Variants in HEMK2 observed in about 807,000 individuals in gnomAD.
The protein encoded by HEMK2 is methyltransferase HEMK2.
At chr21:28,726,136 TTAAC>T in the HEMK2 span, among the ~76,000 whole-genome samples, 2 of 152,138 alleles carry the variant, frequency 1.3e-5, no homozygotes, top group East Asian at 1.9e-4. Context: ...AAATAAGAAT[TTAAC>T]TAATTATTAA....
At chr21:28,742,177 G>A in the HEMK2 span, among the ~76,000 whole-genome samples, 2 of 152,194 alleles carry the variant, frequency 1.3e-5, no homozygotes, top group Admixed American at 6.5e-5. Flanking sequence ...GACAGAGACC[G>A]TGTAGCCCAT....
chr21:28,678,452 C>A, the HEMK2 span, among the ~76,000 whole-genome samples: 2 of 152,240 alleles, frequency 1.3e-5, no homozygotes, highest in African/African-American at 4.8e-5. Context: ...AGAATGGAAC[C>A]AAGCTGGAAA....
At chr21:28,618,427 T>C in the HEMK2 span, among the ~76,000 whole-genome samples, 1 of 152,240 alleles carries the variant, frequency 6.6e-6, no homozygotes, top group South Asian at 2.1e-4. Context: ...TGACACATAG[T>C]TCATAGTTTA....
At chr21:28,673,346 TAAAGA>T in the HEMK2 span, among the ~76,000 whole-genome samples, 3 of 152,180 alleles carry the variant, frequency 2.0e-5, no homozygotes, top group Non-Finnish European at 4.4e-5. Context: ...TAGAAGTATT[TAAAGA>T]AAAGAAATTT....
chr21:28,699,376 T>C, the HEMK2 span, among the ~76,000 whole-genome samples: 1 of 152,228 alleles, frequency 6.6e-6, no homozygotes, highest in African/African-American at 2.4e-5. Context: ...CTTGTAGCTA[T>C]GTCCACATTT....
the HEMK2 span, among the ~76,000 whole-genome samples, chr21:28,780,590 C>A: frequency 6.6e-6 from 1 of 152,204 alleles, no homozygotes; most frequent in Non-Finnish European, 1.5e-5. Context: ...GGATTACAGG[C>A]GTGAGCCACC....
At chr21:28,719,030 G>A in the HEMK2 span, among the ~76,000 whole-genome samples, 2 of 152,194 alleles carry the variant, frequency 1.3e-5, no homozygotes, top group African/African-American at 4.8e-5. Context: ...GGCAACAATG[G>A]GCGCCACAGT....
the HEMK2 span, among the ~76,000 whole-genome samples, chr21:28,856,639 CAA>C: frequency 1.3e-5 from 2 of 152,110 alleles, no homozygotes; most frequent in Admixed American, 6.6e-5. Context: ...GTGCAACCCA[CAA>C]AGAGTGAGGA....
the HEMK2 span, among the ~76,000 whole-genome samples, chr21:28,787,342 TAAAAACA>T: frequency 6.6e-6 from 1 of 151,906 alleles, no homozygotes; most frequent in Admixed American, 6.6e-5. Flanking sequence ...GCAAATGCAA[TAAAAACA>T]AAAAGAAATA....
chr21:28,713,651 C>G, the HEMK2 span, among the ~76,000 whole-genome samples: 91 of 152,254 alleles, frequency 6.0e-4, no homozygotes, highest in Non-Finnish European at 1.1e-3. Flanking sequence ...CTTCCCTGTC[C>G]CTGGGAACCA....
chr21:28,753,070 A>G, the HEMK2 span, among the ~76,000 whole-genome samples: 1 of 152,170 alleles, frequency 6.6e-6, no homozygotes, highest in South Asian at 2.1e-4. Context: ...GATGGCTCTT[A>G]AGCAAGAATG....
At chr21:28,687,473 T>A in the HEMK2 span, among the ~76,000 whole-genome samples, 40 of 152,340 alleles carry the variant, frequency 2.6e-4, no homozygotes, top group East Asian at 3.7e-3. Flanking sequence ...TTTTATATCA[T>A]TTATTTGCAG....
the HEMK2 span, among the ~76,000 whole-genome samples, chr21:28,838,616 A>T: frequency 4.6e-5 from 7 of 151,064 alleles, no homozygotes; most frequent in African/African-American, 1.7e-4. Flanking sequence ...CCTTAACAAA[A>T]TACGAACTAA....
chr21:28,817,190 A>G, the HEMK2 span, among the ~76,000 whole-genome samples: 1 of 152,228 alleles, frequency 6.6e-6, no homozygotes, highest in Admixed American at 6.5e-5. Context: ...AATTCTCAAG[A>G]AAAATTCACA....
the HEMK2 span, among the ~76,000 whole-genome samples, chr21:28,667,947 T>C: frequency 6.6e-6 from 1 of 152,228 alleles, no homozygotes; most frequent in East Asian, 1.9e-4. Context: ...GTATTCATTG[T>C]TATTACTGCT....
chr21:28,740,346 G>T, the HEMK2 span, among the ~76,000 whole-genome samples: 1 of 152,144 alleles, frequency 6.6e-6, no homozygotes, highest in Non-Finnish European at 1.5e-5. Context: ...TTTATTGTGT[G>T]GGTAACCCTT....
At chr21:28,710,411 T>A in the HEMK2 span, among the ~76,000 whole-genome samples, 1 of 152,202 alleles carries the variant, frequency 6.6e-6, no homozygotes, top group Non-Finnish European at 1.5e-5. Context: ...ACTTTACCTC[T>A]TTTTTACTTT....
chr21:28,810,462 C>A, the HEMK2 span, among the ~76,000 whole-genome samples: 3 of 152,312 alleles, frequency 2.0e-5, no homozygotes, highest in Non-Finnish European at 4.4e-5. Flanking sequence ...CACCCAGCAA[C>A]CATTTGCAAA....
At chr21:28,676,975 G>A in the HEMK2 span, among the ~76,000 whole-genome samples, 2 of 152,178 alleles carry the variant, frequency 1.3e-5, no homozygotes, top group Non-Finnish European at 2.9e-5. Context: ...CGTGAGCGAC[G>A]CAAAAGATGG....
Sources: allele counts gnomAD v4.1 joint callset (sites outside exome capture counted in the v4.1 genomes callset), GRCh38; gene constraint gnomAD v4.1.1; transcripts MANE v1.5; gene names NCBI Gene and HGNC (gene_info 2026-07-23, HGNC 2026-07-21).